RALYL: variants seen among roughly 807,000 people sequenced by gnomAD.
RALYL encodes RALY RNA binding protein like, also known as RNA-binding Raly-like protein.
RALYL carries 29 observed loss-of-function variants against 35.1 expected under a neutral mutation model. That is an observed-to-expected ratio of 0.83 (90% CI 0.61 to 1.13). RALYL has a LOEUF of 1.13. Among genes scored for constraint, RALYL ranks in the 50% most tolerant of loss-of-function variants. The pLI is 0.00. For synonymous variants in RALYL, 120 were observed against 127.6 expected, an observed-to-expected ratio of 0.94 and a Z score of 0.40; for missense variants, 359 against 360.4, an observed-to-expected ratio of 1.00 and a Z score of 0.03.
chr8:84,638,202 T>C, intron 2 of RALYL, among the ~76,000 whole-genome samples: 1 of 152,040 alleles, frequency 6.6e-6, no homozygotes, highest in East Asian at 1.9e-4. Context: ...AACCTGCTCC[T>C]GAATGTTAAT....
chr8:84,291,406 G>A (rs954573839), intron 1 of RALYL, among the ~76,000 whole-genome samples: 18 of 152,138 alleles, frequency 1.2e-4, no homozygotes, highest in African/African-American at 3.6e-4. Context: ...TAAAAGATGT[G>A]TAGAATAAAT....
At position 84,635,889 on chromosome 8, in the gene RALYL, A is replaced by G. The variant is rs141041764; in HGVS notation, c.256+106312A>G. Among the ~76,000 whole-genome samples, 34 of 151,802 alleles carry G rather than the reference A, an allele frequency of 2.2e-4. No individual in the cohort carries two copies. The East Asian group carries it at 6.0e-3, about 27-fold the overall frequency. On this transcript the variant is annotated intron_variant, in intron 2 of 8. Transcript: ENST00000521268. ...CATTAACTTCATGCTTTATAACACA[A>G]TATGTGAACTTACAGTATCTTTGGT...
At chr8:84,227,448 A>G (rs534042549) in intron 1 of RALYL, among the ~76,000 whole-genome samples, 8 of 152,310 alleles carry the variant, frequency 5.3e-5, no homozygotes, top group East Asian at 3.9e-4. Context: ...CTTTGTGTAT[A>G]GTTCTTGCTA....
intron 1 of RALYL, among the ~76,000 whole-genome samples, chr8:84,377,451 G>GTT (rs369746268): frequency 0.083 from 6,984 of 83,660 alleles, 560 homozygotes; most frequent in African/African-American, 0.1. Context: ...AAGGTTAACT[G>GTT]TTTTTTTTTT....
intron 1 of RALYL, among the ~76,000 whole-genome samples, chr8:84,204,668 A>G (rs1310489902): frequency 6.6e-6 from 1 of 152,154 alleles, no homozygotes; most frequent in Non-Finnish European, 1.5e-5. Flanking sequence ...CCTTTCTAAT[A>G]TTTGGTGAAT....
intron 1 of RALYL, among the ~76,000 whole-genome samples, chr8:84,378,364 A>G (rs1857324128): frequency 6.6e-6 from 1 of 151,926 alleles, no homozygotes; most frequent in African/African-American, 2.4e-5. Context: ...TCTTATTTCC[A>G]AAGATAAATG....
At chr8:84,768,682 G>A (rs1253542315) in intron 2 of RALYL, among the ~76,000 whole-genome samples, 1 of 152,168 alleles carries the variant, frequency 6.6e-6, no homozygotes, top group Non-Finnish European at 1.5e-5. Flanking sequence ...TCTACAGAAT[G>A]CAAATTGCTT....
chr8:84,227,056 C>CTTTTTTTTTTTT (rs1158995864), intron 1 of RALYL, among the ~76,000 whole-genome samples: 2 of 81,894 alleles, frequency 2.4e-5, no homozygotes, highest in East Asian at 4.2e-4. Flanking sequence ...AATTGTATTT[C>CTTTTTTTTTTTT]TTTTTTTTTT....
chr8:84,631,052 C>T (rs1233140620), intron 2 of RALYL, among the ~76,000 whole-genome samples: 1 of 151,916 alleles, frequency 6.6e-6, no homozygotes, highest in African/African-American at 2.4e-5. Flanking sequence ...TTAGAAACAT[C>T]GTGGAAGAAA....
chr8:84,796,066 A>AAG (rs1821841304), intron 3 of RALYL, among the ~76,000 whole-genome samples: 1 of 152,188 alleles, frequency 6.6e-6, no homozygotes, highest in Non-Finnish European at 1.5e-5. Context: ...CACTGTGAGT[A>AAG]CATGCTTGAG....
intron 2 of RALYL, among the ~76,000 whole-genome samples, chr8:84,765,195 C>T (rs1813625797): frequency 6.6e-6 from 1 of 152,138 alleles, no homozygotes; most frequent in African/African-American, 2.4e-5. Context: ...CCTGTGATGC[C>T]AGAGCTCCTG....
At chr8:84,897,133 C>T (rs1844893693) in intron 8 of RALYL, among the ~76,000 whole-genome samples, 1 of 151,948 alleles carries the variant, frequency 6.6e-6, no homozygotes, top group Non-Finnish European at 1.5e-5. Context: ...GTAATAATAC[C>T]CACCTCATGG....
intron 1 of RALYL, among the ~76,000 whole-genome samples, chr8:84,302,240 CACATCATATCTAAT>C (rs1350423326): frequency 6.6e-6 from 1 of 152,148 alleles, no homozygotes; most frequent in Non-Finnish European, 1.5e-5. Context: ...AAGAGAGCTT[CACATCATATCTAAT>C]ACAGTGATCA....
At chr8:84,288,429 A>T (rs545937040) in intron 1 of RALYL, among the ~76,000 whole-genome samples, 33 of 152,314 alleles carry the variant, frequency 2.2e-4, no homozygotes, top group Middle Eastern at 3.4e-3. Context: ...AAACTGTGAC[A>T]GGGCCTCATT....
chr8:84,602,476 C>T (rs192349799), intron 2 of RALYL, among the ~76,000 whole-genome samples: 43 of 152,208 alleles, frequency 2.8e-4, no homozygotes, highest in African/African-American at 1.0e-3. Flanking sequence ...ATCTCCCTCC[C>T]TCAGTTCTCT....
chr8:84,538,714 T>C (rs2059789869), intron 2 of RALYL, among the ~76,000 whole-genome samples: 1 of 152,148 alleles, frequency 6.6e-6, no homozygotes, highest in African/African-American at 2.4e-5. Context: ...TAAAGCATGA[T>C]GTAATACAGA....
At chr8:84,261,137 A>G (rs1832209666) in intron 1 of RALYL, among the ~76,000 whole-genome samples, 1 of 150,472 alleles carries the variant, frequency 6.6e-6, no homozygotes. Context: ...CTCTTTGATT[A>G]ATTCCTAAGT....
At chr8:84,647,589 A>G (rs1564303434) in intron 2 of RALYL, among the ~76,000 whole-genome samples, 1 of 152,100 alleles carries the variant, frequency 6.6e-6, no homozygotes, top group Non-Finnish European at 1.5e-5. Flanking sequence ...TGGAGCTCAC[A>G]AAAGAATCTT....
intron 1 of RALYL, among the ~76,000 whole-genome samples, chr8:84,380,351 T>C (rs1857732622): frequency 6.6e-6 from 1 of 151,866 alleles, no homozygotes; most frequent in Non-Finnish European, 1.5e-5. Flanking sequence ...AACCAATGTA[T>C]TTTCTTTCTT....
Sources: allele counts gnomAD v4.1 joint callset (sites outside exome capture counted in the v4.1 genomes callset), GRCh38; gene constraint gnomAD v4.1.1; transcripts MANE v1.5; gene names NCBI Gene and HGNC (gene_info 2026-07-23, HGNC 2026-07-21).